Variants in ARK2C observed in about 807,000 individuals in gnomAD.
The protein encoded by ARK2C is E3 ubiquitin-protein ligase ARK2C.
chr18:46,413,857 TC>T, the ARK2C span, among the ~76,000 whole-genome samples: 26 of 152,302 alleles, frequency 1.7e-4, no homozygotes, highest in African/African-American at 6.3e-4. Context: ...CCAGGTTCTC[TC>T]CTCATGGGGA....
At chr18:46,441,176 A>G in the ARK2C span, among the ~76,000 whole-genome samples, 1 of 151,972 alleles carries the variant, frequency 6.6e-6, no homozygotes, top group Non-Finnish European at 1.5e-5. Context: ...AAATTTTTGT[A>G]GAGACAGAGT....
the ARK2C span, among the ~76,000 whole-genome samples, chr18:46,379,969 C>T: frequency 0.018 from 2,696 of 152,282 alleles, 37 homozygotes; most frequent in East Asian, 0.054. Context: ...GGAACTGGAA[C>T]GTCAGAGAAG....
At chr18:46,423,919 C>T in the ARK2C span, among the ~76,000 whole-genome samples, 1 of 152,224 alleles carries the variant, frequency 6.6e-6, no homozygotes, top group Non-Finnish European at 1.5e-5. Flanking sequence ...TCACTGTCCT[C>T]TCTCCATGTC....
the ARK2C span, among the ~76,000 whole-genome samples, chr18:46,414,583 C>A: frequency 6.6e-6 from 1 of 152,226 alleles, no homozygotes; most frequent in Non-Finnish European, 1.5e-5. Flanking sequence ...CATGCTCGCA[C>A]ATGCCCATAT....
the ARK2C span, among the ~76,000 whole-genome samples, chr18:46,401,633 A>G: frequency 6.6e-6 from 1 of 152,150 alleles, no homozygotes; most frequent in African/African-American, 2.4e-5. Flanking sequence ...CCCTCCTGTG[A>G]TCTTCCCACT....
At chr18:46,341,045 C>G in the ARK2C span, among the ~76,000 whole-genome samples, 2 of 151,804 alleles carry the variant, frequency 1.3e-5, no homozygotes, top group African/African-American at 4.8e-5. Context: ...GATGGCGGGG[C>G]GGAGGCACAT....
At chr18:46,432,712 C>T in the ARK2C span, among the ~76,000 whole-genome samples, 1 of 152,056 alleles carries the variant, frequency 6.6e-6, no homozygotes, top group East Asian at 1.9e-4. Flanking sequence ...AATCCCAGCA[C>T]TTTGGGAGGC....
the ARK2C span, among the ~76,000 whole-genome samples, chr18:46,381,956 C>A: frequency 3.3e-5 from 5 of 152,182 alleles, no homozygotes; most frequent in African/African-American, 1.2e-4. Flanking sequence ...CTTAAGCACC[C>A]GCAGGGCCTC....
At chr18:46,426,277 A>G in the ARK2C span, among the ~76,000 whole-genome samples, 1 of 152,196 alleles carries the variant, frequency 6.6e-6, no homozygotes, top group Non-Finnish European at 1.5e-5. Flanking sequence ...TTATCAGATG[A>G]GTGTCCCAGG....
the ARK2C span, among the ~76,000 whole-genome samples, chr18:46,437,482 G>A: frequency 5.9e-5 from 9 of 152,132 alleles, no homozygotes; most frequent in African/African-American, 2.2e-4. Flanking sequence ...CCCCTTTAGA[G>A]AACCATCAGA....
chr18:46,350,963 C>T, the ARK2C span, among the ~76,000 whole-genome samples: 5 of 152,174 alleles, frequency 3.3e-5, no homozygotes, highest in Non-Finnish European at 5.9e-5. Context: ...CTGCCCCTGG[C>T]GTGTGTGCAG....
chr18:46,403,804 G>C, the ARK2C span, among the ~76,000 whole-genome samples: 2 of 152,146 alleles, frequency 1.3e-5, no homozygotes, highest in Non-Finnish European at 2.9e-5. Context: ...CTTGAACCTG[G>C]AAGGTGGAGG....
the ARK2C span, chr18:46,450,494 A>G: frequency 4.0e-6 from 4 of 995,828 alleles, no homozygotes; most frequent in African/African-American, 6.4e-5. Context: ...TGAGTAGGGT[A>G]TGGGTGTCAG....
the ARK2C span, chr18:46,459,689 T>C: frequency 6.5e-6 from 1 of 152,954 alleles, no homozygotes; most frequent in Non-Finnish European, 1.5e-5. Flanking sequence ...CGGGCAGCTG[T>C]TTGGGGGACA....
the ARK2C span, among the ~76,000 whole-genome samples, chr18:46,419,790 A>T: frequency 6.6e-6 from 1 of 152,118 alleles, no homozygotes. Context: ...GGGATCTGGC[A>T]GCTCCAAGAA....
the ARK2C span, among the ~76,000 whole-genome samples, chr18:46,373,829 C>T: frequency 6.6e-6 from 1 of 152,212 alleles, no homozygotes; most frequent in East Asian, 1.9e-4. Flanking sequence ...CAGAGAAAGG[C>T]AGAGCTGGGG....
At chr18:46,364,159 G>C in the ARK2C span, among the ~76,000 whole-genome samples, 4 of 151,528 alleles carry the variant, frequency 2.6e-5, no homozygotes, top group Admixed American at 6.6e-5. Context: ...TGTTGGCCAG[G>C]CTGGTCTCGA....
the ARK2C span, among the ~76,000 whole-genome samples, chr18:46,376,533 T>A: frequency 6.6e-6 from 1 of 152,226 alleles, no homozygotes; most frequent in African/African-American, 2.4e-5. Flanking sequence ...AGACCACACC[T>A]ATGCTCTGGA....
At chr18:46,390,906 G>T in the ARK2C span, among the ~76,000 whole-genome samples, 2 of 152,200 alleles carry the variant, frequency 1.3e-5, no homozygotes, top group Non-Finnish European at 2.9e-5. Flanking sequence ...CTCAGAAAAT[G>T]GGAGCAACTA....
Sources: allele counts gnomAD v4.1 joint callset (sites outside exome capture counted in the v4.1 genomes callset), GRCh38; gene constraint gnomAD v4.1.1; transcripts MANE v1.5; gene names NCBI Gene and HGNC (gene_info 2026-07-23, HGNC 2026-07-21).